The following PTPRM variants were observed in gnomAD, a reference collection of about 807,000 sequenced individuals.
PTPRM encodes the protein receptor-type tyrosine-protein phosphatase mu.
A neutral mutation model predicts 186.7 loss-of-function variants in PTPRM; 47 were observed. The observed-to-expected ratio is 0.25, with a 90% CI of 0.20 to 0.32. PTPRM has a LOEUF of 0.32. PTPRM is among the 10% of genes least tolerant of loss of function. The pLI is 1.00. For synonymous variants in PTPRM, 668 were observed against 674.9 expected (o/e 0.99, Z 0.16); for missense variants, 1,494 against 1,865.0 (o/e 0.80, Z 3.66).
chr18:8,221,386 C>T (rs984565494), intron 14 of PTPRM, among the ~76,000 whole-genome samples: 3 of 152,082 alleles, frequency 2.0e-5, no homozygotes, highest in Admixed American at 6.6e-5. Context: ...ACAGGGGATG[C>T]TTATGCAATG....
chr18:8,299,625 G>A (rs939990034), intron 20 of PTPRM, among the ~76,000 whole-genome samples: 6 of 151,790 alleles, frequency 4.0e-5, no homozygotes, highest in African/African-American at 1.5e-4. Flanking sequence ...TAAAACACAA[G>A]ATACTGCCCT....
intron 4 of PTPRM, among the ~76,000 whole-genome samples, chr18:7,910,660 A>T (rs911508546): frequency 3.3e-5 from 5 of 152,202 alleles, no homozygotes; most frequent in African/African-American, 1.2e-4. Flanking sequence ...CCAATCAGAG[A>T]CTGAAGTGAA....
intron 1 of PTPRM, among the ~76,000 whole-genome samples, chr18:7,602,779 A>G (rs1256583862): frequency 2.7e-5 from 4 of 150,684 alleles, no homozygotes; most frequent in African/African-American, 9.7e-5. Context: ...GTTGGCATTT[A>G]AAAAAAGCTT....
chr18:8,291,674 A>G (rs1383478074), intron 19 of PTPRM, among the ~76,000 whole-genome samples: 3 of 151,794 alleles, frequency 2.0e-5, no homozygotes, highest in Non-Finnish European at 4.4e-5. Context: ...ACATCTTACA[A>G]AATGTGCACT....
chr18:8,264,957 A>T (rs555559191), intron 19 of PTPRM, among the ~76,000 whole-genome samples: 1 of 152,262 alleles, frequency 6.6e-6, no homozygotes, highest in South Asian at 2.1e-4. Flanking sequence ...GGAGCAACAC[A>T]AAGCCTGTGT....
chr18:8,236,219 A>G (rs1220178711), intron 14 of PTPRM, among the ~76,000 whole-genome samples: 1 of 152,168 alleles, frequency 6.6e-6, no homozygotes, highest in East Asian at 1.9e-4. Flanking sequence ...TTGCAATTCT[A>G]TCACCTTTTG....
At chr18:7,666,405 T>C (rs1316870471) in intron 1 of PTPRM, among the ~76,000 whole-genome samples, 1 of 152,226 alleles carries the variant, frequency 6.6e-6, no homozygotes, top group African/African-American at 2.4e-5. Context: ...TCACTGTAAC[T>C]GAACCTGAAG....
At chr18:8,103,443 T>C (rs2091380675) in intron 11 of PTPRM, among the ~76,000 whole-genome samples, 2 of 152,244 alleles carry the variant, frequency 1.3e-5, no homozygotes, top group Admixed American at 1.3e-4. Context: ...GCTTTGTACT[T>C]TTATGTTATG....
rs545436196 is a variant in PTPRM, at chr18:8,136,749, G to C, written c.2168-6898G>C. ...ATATGTAATTTAAATGAAAAATCTA[G>C]GAGGTGTTTTGTGATTATGTATAAT... On this transcript the variant is annotated intron_variant, in intron 13 of 32. Coordinates refer to ENST00000580170, the MANE Select transcript of PTPRM (RefSeq NM_001105244.2). Among the ~76,000 whole-genome samples, 11 of 152,066 alleles carry C rather than the reference G, an allele frequency of 7.2e-5. No individual in the cohort carries two copies. The South Asian group carries it at 2.3e-3, about 32-fold the overall frequency.
Position 8,362,490 on chromosome 18 carries a change from G to A in PTPRM, c.3055-8400G>A, listed in dbSNP as rs1419188895. On this transcript the variant is annotated intron_variant, in intron 23 of 32. Transcript: ENST00000580170. ...AGAAGGGCCTCAGAAGCAGCTGACG[G>A]TCACAAAATAGTGACTGCTTCCTGC... is the stretch of plus-strand genomic sequence containing the variant. Among the ~76,000 whole-genome samples the A allele has an allele frequency of 3.3e-5, 5 of 152,222 alleles. No individual in the cohort carries two copies. In the South Asian group the frequency reaches 8.3e-4, roughly 25 times the overall value.
At chr18:8,185,315 C>T (rs2093627868) in intron 14 of PTPRM, among the ~76,000 whole-genome samples, 1 of 152,218 alleles carries the variant, frequency 6.6e-6, no homozygotes, top group Non-Finnish European at 1.5e-5. Context: ...CTGTGCTGTG[C>T]AGGCCACACT....
chr18:8,344,448 G>GTGTGTGTGTATA (rs1360655194), intron 23 of PTPRM, among the ~76,000 whole-genome samples: 1 of 33,420 alleles, frequency 3.0e-5, no homozygotes, highest in African/African-American at 7.5e-5. Context: ...GTGTGTGTGT[G>GTGTGTGTGTATA]TATATATATA....
chr18:8,309,529 A>G (rs1309154077), intron 20 of PTPRM, among the ~76,000 whole-genome samples: 3 of 152,150 alleles, frequency 2.0e-5, no homozygotes, highest in South Asian at 4.1e-4. Context: ...TTTTGTTTTT[A>G]TAGAGACAGG....
At chr18:8,378,571 G>A (rs1173243769) in intron 27 of PTPRM, among the ~76,000 whole-genome samples, 157 bp downstream of exon 27, 1 of 152,154 alleles carries the variant, frequency 6.6e-6, no homozygotes, top group Non-Finnish European at 1.5e-5. Flanking sequence ...CTACCCAGGA[G>A]ACGTCTATGG....
At chr18:7,630,867 A>C (rs544659620) in intron 1 of PTPRM, among the ~76,000 whole-genome samples, 6 of 152,254 alleles carry the variant, frequency 3.9e-5, no homozygotes, top group African/African-American at 1.4e-4. Context: ...CTTGTTATCT[A>C]TGAAGGGGGA....
intron 1 of PTPRM, among the ~76,000 whole-genome samples, chr18:7,636,251 G>A (rs1371624226): frequency 1.3e-5 from 2 of 152,084 alleles, no homozygotes; most frequent in Non-Finnish European, 2.9e-5. Context: ...ATGTATAGAT[G>A]ACAAACTGGA....
At chr18:7,914,355 C>T (rs2050432976) in intron 4 of PTPRM, among the ~76,000 whole-genome samples, 1 of 151,962 alleles carries the variant, frequency 6.6e-6, no homozygotes, top group South Asian at 2.1e-4. Context: ...TCTGTTTTTC[C>T]ACTTGAAAAA....
chr18:7,898,194 GT>G (rs2146463555), intron 3 of PTPRM, among the ~76,000 whole-genome samples: 1 of 152,292 alleles, frequency 6.6e-6, no homozygotes, highest in South Asian at 2.1e-4. Flanking sequence ...ACAAGATAAA[GT>G]TTTTGTAAAT....
At chr18:7,640,248 C>T (rs2038414184) in intron 1 of PTPRM, among the ~76,000 whole-genome samples, 1 of 152,114 alleles carries the variant, frequency 6.6e-6, no homozygotes, top group South Asian at 2.1e-4. Context: ...GAACTTGCTA[C>T]AGAAAGAAAC....
Sources: gnomAD v4.1 joint callset for allele counts (sites outside exome capture counted in the v4.1 genomes callset) on GRCh38, gnomAD v4.1.1 for gene constraint, MANE v1.5 for transcripts, NCBI Gene and HGNC (gene_info 2026-07-23, HGNC 2026-07-21) for gene names.